Variants in ACVR1C observed in about 807,000 individuals in gnomAD.
ACVR1C encodes activin A receptor type 1C.
In ACVR1C, 23 loss-of-function variants were observed where a neutral mutation model predicts 57.9. That is an observed-to-expected ratio of 0.40 (90% CI 0.29 to 0.56). ACVR1C has a LOEUF of 0.56. Ranked by LOEUF, ACVR1C falls within the 20% of genes least tolerant of loss-of-function variation. The pLI, the probability that ACVR1C is intolerant of heterozygous loss-of-function variation, is 0.50. For missense variants in ACVR1C, 480 were observed against 607.9 expected, an observed-to-expected ratio of 0.79 and a Z score of 2.21; for synonymous variants, 214 against 215.3, an observed-to-expected ratio of 0.99 and a Z score of 0.05.
intron 2 of ACVR1C, among the ~76,000 whole-genome samples, chr2:157,576,203 CTTTTTT>C (rs10628650): frequency 1.0e-5 from 1 of 97,920 alleles, no homozygotes; most frequent in Non-Finnish European, 2.0e-5. Context: ...ATAATCATTT[CTTTTTT>C]TTTTTTTTTT....
At chr2:157,573,252 A>C (rs1573929051) in intron 2 of ACVR1C, among the ~76,000 whole-genome samples, 1 of 152,206 alleles carries the variant, frequency 6.6e-6, no homozygotes, top group Non-Finnish European at 1.5e-5. Flanking sequence ...TGTATTATAC[A>C]CCTACCACAA....
intron 3 of ACVR1C, among the ~76,000 whole-genome samples, chr2:157,555,300 T>C (rs961298967): frequency 6.6e-6 from 1 of 151,256 alleles, no homozygotes; most frequent in Non-Finnish European, 1.5e-5. Flanking sequence ...TTGTATTTTT[T>C]AGTAGAGACG....
At chr2:157,581,046 T>C (rs1057151573) in intron 2 of ACVR1C, among the ~76,000 whole-genome samples, 3 of 152,164 alleles carry the variant, frequency 2.0e-5, no homozygotes, top group African/African-American at 4.8e-5. Context: ...TCTATTACTT[T>C]GGCCCCAAAA....
chr2:157,600,340 T>C (rs551738841), intron 1 of ACVR1C, among the ~76,000 whole-genome samples: 3 of 152,174 alleles, frequency 2.0e-5, no homozygotes, highest in Non-Finnish European at 4.4e-5. Context: ...TTGGGAAATA[T>C]GCCATGAAAT....
Position 157,544,557 on chromosome 2 carries a change from G to A in ACVR1C, c.831C>T (p.Ser277=), listed in dbSNP as rs755317340. The change falls in exon 5 of 9, where the codon TCC becomes TCT. Residue 277 remains serine, a synonymous_variant. Coordinates refer to ENST00000243349, the MANE Select transcript of ACVR1C (RefSeq NM_145259.3). ...TATTTCTATTCAAATAGTCATATAA[G>A]GAGCCCTGTTCATGATATTCAGATA... ...WLVSEYHEQG[S]LYDYLNRNIV... 6.2e-7 allele frequency: 1 copy of A among 1,613,742 alleles called. No homozygotes were observed. The highest frequency in any genetic ancestry group is 8.5e-7 in the Non-Finnish European group (1 of 1,179,766).
intron 1 of ACVR1C, 131 bp downstream of exon 1, chr2:157,628,441 C>T: frequency 1.8e-6 from 2 of 1,081,772 alleles, no homozygotes; most frequent in Non-Finnish European, 2.7e-6. Context: ...CTCAATCCGA[C>T]TGGCGCTTCC....
chr2:157,584,881 A>G (rs1174025922), intron 2 of ACVR1C, among the ~76,000 whole-genome samples: 1 of 152,242 alleles, frequency 6.6e-6, no homozygotes, highest in Non-Finnish European at 1.5e-5. Flanking sequence ...ATATCCATAG[A>G]ATGGGACATT....
In ACVR1C at chr2:157,544,396, C is replaced by T. The variant is rs6728987; in HGVS notation, c.943+49G>A. 0.81 allele frequency: 1,237,297 copies of T among 1,528,724 alleles called. 502,243 individuals carry two copies. Among genetic ancestry groups the T allele is most frequent in the East Asian group, 0.93 (41,046 of 44,078 alleles). 94.7% of individuals were successfully genotyped at this position (1,528,724 alleles called of 1,614,324 possible). A position where few individuals can be genotyped will look rare whatever the true frequency, so the allele number is the denominator to read the frequency against. On this transcript the variant is annotated intron_variant, in intron 5 of 8. Coordinates refer to ENST00000243349, the MANE Select transcript of ACVR1C (RefSeq NM_145259.3). ...AATAAATTAAAATATAACTAAGTAC[C>T]TCTATCCTCATATTCAAAGTGGAAA... is the stretch of plus-strand genomic sequence containing the variant.
chr2:157,554,268 A>AAAGAAAGAAAGGAAGAAAGAAAGGAAGG, intron 3 of ACVR1C, among the ~76,000 whole-genome samples: 1 of 113,562 alleles, frequency 8.8e-6, no homozygotes, highest in Admixed American at 8.4e-5. Flanking sequence ...AGAAAGAAAG[A>AAAGAAAGAAAGGAAGAAAGAAAGGAAGG]AAGGAAGGAA....
intron 2 of ACVR1C, among the ~76,000 whole-genome samples, chr2:157,576,453 C>G (rs1688655392): frequency 6.6e-6 from 1 of 152,092 alleles, no homozygotes; most frequent in Non-Finnish European, 1.5e-5. Flanking sequence ...TTCCGCCTGC[C>G]TCAGCCTCCC....
chr2:157,543,462 AG>A, intron 5 of ACVR1C, among the ~76,000 whole-genome samples: 1 of 152,372 alleles, frequency 6.6e-6, no homozygotes, highest in East Asian at 1.9e-4. Flanking sequence ...TTTTTGTATT[AG>A]AAAAAAAGTT....
At chr2:157,626,221 G>T (rs533806798) in intron 1 of ACVR1C, among the ~76,000 whole-genome samples, 1 of 152,090 alleles carries the variant, frequency 6.6e-6, no homozygotes, top group Non-Finnish European at 1.5e-5. Context: ...CTCACACCTC[G>T]GCCTCCCAAA....
chr2:157,615,502 G>A (rs994482489), intron 1 of ACVR1C, among the ~76,000 whole-genome samples: 1 of 152,008 alleles, frequency 6.6e-6, no homozygotes, highest in African/African-American at 2.4e-5. Context: ...AGCCTCCCCA[G>A]TAGCTGGAAC....
At chr2:157,562,476 A>AAATAT (rs1688262462) in intron 2 of ACVR1C, among the ~76,000 whole-genome samples, 2 of 143,022 alleles carry the variant, frequency 1.4e-5, no homozygotes, top group Admixed American at 7.0e-5. Flanking sequence ...AAATAAAATA[A>AAATAT]AATAAAATAA....
chr2:157,572,801 T>A (rs1195400498), intron 2 of ACVR1C, among the ~76,000 whole-genome samples: 2 of 152,128 alleles, frequency 1.3e-5, no homozygotes, highest in African/African-American at 2.4e-5. Flanking sequence ...ATAAAAATCA[T>A]AGCACCTTTC....
chr2:157,616,464 C>T (rs1463676142), intron 1 of ACVR1C, among the ~76,000 whole-genome samples: 1 of 152,154 alleles, frequency 6.6e-6, no homozygotes, highest in Non-Finnish European at 1.5e-5. Flanking sequence ...ATATTTTCCA[C>T]ATTTTCCACT....
At position 157,529,554 on chromosome 2, in the gene ACVR1C, A is replaced by C. The variant is rs1375744699; in HGVS notation, c.*4364T>G. The C allele has an allele frequency of 3.3e-5, 5 of 152,086 alleles. No individual in the cohort carries two copies. Among genetic ancestry groups the C allele is most frequent in the Non-Finnish European group, 5.9e-5 (4 of 67,986 alleles). 9.4% of individuals were successfully genotyped at this position (152,086 alleles called of 1,614,324 possible). A position where few individuals can be genotyped will look rare whatever the true frequency, so the allele number is the denominator to read the frequency against. On this transcript the variant is annotated 3_prime_UTR_variant, in exon 9 of 9. Coordinates refer to ENST00000243349, the MANE Select transcript of ACVR1C (RefSeq NM_145259.3). The stretch of plus-strand genomic sequence containing the variant: ...GGTGTCACCACCAGGCTTTCATAAG[A>C]GTTCTGCTAGTAACTAGTAGTCATT...
chr2:157,559,853 A>G (rs552012740), intron 2 of ACVR1C, among the ~76,000 whole-genome samples: 1 of 152,062 alleles, frequency 6.6e-6, no homozygotes, highest in African/African-American at 2.4e-5. Context: ...ATTATTAACA[A>G]GACAGCAGGA....
chr2:157,589,726 T>C (rs542840697), intron 1 of ACVR1C, among the ~76,000 whole-genome samples: 2 of 152,094 alleles, frequency 1.3e-5, no homozygotes, highest in Admixed American at 6.6e-5. Flanking sequence ...AAAGTAATCC[T>C]AAGCAAAAAG....
Sources: allele counts gnomAD v4.1 joint callset (sites outside exome capture counted in the v4.1 genomes callset), GRCh38; gene constraint gnomAD v4.1.1; transcripts MANE v1.5; gene names NCBI Gene and HGNC (gene_info 2026-07-23, HGNC 2026-07-21).